Variants in ERC1 observed in about 807,000 individuals in gnomAD.
The protein encoded by ERC1 is RAB6 interacting protein 2.
A neutral mutation model predicts 132.0 loss-of-function variants in ERC1; 56 were observed. The ratio of observed to expected loss-of-function variants is 0.42; its 90% confidence interval spans 0.34 to 0.53. The LOEUF is 0.53. Ranked by LOEUF, ERC1 falls within the 20% of genes least tolerant of loss-of-function variation. The pLI is 0.03. For synonymous variants in ERC1, 478 were observed against 476.1 expected (o/e 1.00, Z -0.05); for missense variants, 1,202 against 1,349.9 (o/e 0.89, Z 1.72).
intron 14 of ERC1, among the ~76,000 whole-genome samples, chr12:1,284,138 T>C (rs2078879941): frequency 6.6e-6 from 1 of 152,184 alleles, no homozygotes; most frequent in Admixed American, 6.5e-5. Flanking sequence ...AGCTCCCACG[T>C]GTGAGTGAGA....
chr12:1,230,183 C>T (rs61911972), intron 12 of ERC1, among the ~76,000 whole-genome samples: 64,680 of 151,528 alleles, frequency 0.43, 15,462 homozygotes, highest in African/African-American at 0.65. Context: ...ATTCTTAATA[C>T]AGATGGGGTT....
intron 15 of ERC1, among the ~76,000 whole-genome samples, chr12:1,330,309 G>A (rs1343852502): frequency 6.6e-6 from 1 of 152,136 alleles, no homozygotes; most frequent in South Asian, 2.1e-4. Flanking sequence ...CTTGCTCTTA[G>A]CTAAGGCTGA....
intron 13 of ERC1, among the ~76,000 whole-genome samples, chr12:1,261,666 C>CTTTTGTTTTG (rs371551466): frequency 2.0e-5 from 3 of 151,732 alleles, no homozygotes; most frequent in African/African-American, 7.3e-5. Flanking sequence ...CGTTTGTTTT[C>CTTTTGTTTTG]TTTTGTTTTG....
intron 16 of ERC1, among the ~76,000 whole-genome samples, chr12:1,389,266 CG>C (rs2089722134): frequency 6.6e-6 from 1 of 152,100 alleles, no homozygotes; most frequent in African/African-American, 2.4e-5. Context: ...TCAAGAAAGC[CG>C]TTGGCTGGAG....
intron 2 of ERC1, among the ~76,000 whole-genome samples, chr12:1,036,267 T>C (rs1969057974): frequency 6.6e-6 from 1 of 152,034 alleles, no homozygotes; most frequent in Non-Finnish European, 1.5e-5. Context: ...TTTGTCATTT[T>C]TTTTTCTCAT....
intron 2 of ERC1, among the ~76,000 whole-genome samples, chr12:1,059,697 T>C (rs1440824671): frequency 6.6e-6 from 1 of 152,244 alleles, no homozygotes; most frequent in Non-Finnish European, 1.5e-5. Context: ...CACTTTGTCT[T>C]GGTGTATTGT....
chr12:1,396,928 C>G (rs771927389), intron 16 of ERC1, among the ~76,000 whole-genome samples: 1 of 152,132 alleles, frequency 6.6e-6, no homozygotes, highest in Non-Finnish European at 1.5e-5. Context: ...GACAAAGAAG[C>G]TTTTCTCTGC....
intron 15 of ERC1, among the ~76,000 whole-genome samples, chr12:1,293,758 AG>A (rs907254076): frequency 6.6e-6 from 1 of 152,196 alleles, no homozygotes; most frequent in Non-Finnish European, 1.5e-5. Flanking sequence ...GTAACAATTT[AG>A]GGGGGAAAAT....
intron 8 of ERC1, 50 bp from the exon 9 acceptor site, chr12:1,180,490 T>G: frequency 6.4e-7 from 1 of 1,567,838 alleles, no homozygotes; most frequent in South Asian, 1.1e-5. Context: ...TGTGCTATTG[T>G]TTTTTTATAC....
intron 16 of ERC1, among the ~76,000 whole-genome samples, chr12:1,397,855 A>C (rs1484001879): frequency 2.6e-5 from 4 of 152,080 alleles, no homozygotes; most frequent in Non-Finnish European, 5.9e-5. Flanking sequence ...ATTTAAAAAC[A>C]AACAGAAACA....
rs892868393 is a variant in ERC1, at chr12:1,328,041, T to C, written c.2780+38029T>C. On this transcript the variant is annotated intron_variant, in intron 15 of 18. Coordinates refer to ENST00000360905, the MANE Select transcript of ERC1 (RefSeq NM_178040.4). The stretch of plus-strand genomic sequence containing the variant: ...CAGGAATTATTCTATTTTATCACTT[T>C]GTTTTTGCAACAGCATCTTAGCTAA... Among the ~76,000 whole-genome samples the C allele has an allele frequency of 1.2e-4, 18 of 152,352 alleles. 1 individual carries two copies. The highest frequency in any genetic ancestry group is 7.2e-4 in the Admixed American group (11 of 15,304).
intron 13 of ERC1, among the ~76,000 whole-genome samples, chr12:1,255,203 T>C (rs1008495339): frequency 1.3e-5 from 2 of 152,118 alleles, no homozygotes; most frequent in Admixed American, 6.5e-5. Context: ...GTGTTTGGTT[T>C]TCTGTTCTTG....
intron 1 of ERC1, among the ~76,000 whole-genome samples, chr12:1,025,654 C>T (rs1485083665): frequency 6.6e-6 from 1 of 152,072 alleles, no homozygotes; most frequent in African/African-American, 2.4e-5. Context: ...TATGTGAAGA[C>T]GAGTATACGT....
At chr12:1,166,918 A>G (rs1398235216) in intron 8 of ERC1, among the ~76,000 whole-genome samples, 1 of 152,150 alleles carries the variant, frequency 6.6e-6, no homozygotes, top group Non-Finnish European at 1.5e-5. Context: ...ATATTGTAAT[A>G]TTTTTACATC....
chr12:1,137,100 C>CTTTT (rs944757047), intron 7 of ERC1, among the ~76,000 whole-genome samples: 6 of 122,914 alleles, frequency 4.9e-5, no homozygotes, highest in South Asian at 2.7e-4. Context: ...TTTTTCTTTT[C>CTTTT]TTTTTTTTTT....
At chr12:993,574 G>T (rs1960123045) in intron 1 of ERC1, among the ~76,000 whole-genome samples, 1 of 152,150 alleles carries the variant, frequency 6.6e-6, no homozygotes, top group African/African-American at 2.4e-5. Context: ...AAGTATGCCA[G>T]TCTGTTAATT....
At chr12:1,455,368 C>G (rs535795465) in intron 18 of ERC1, among the ~76,000 whole-genome samples, 2 of 152,304 alleles carry the variant, frequency 1.3e-5, no homozygotes, top group South Asian at 4.1e-4. Context: ...CAGCACGCCC[C>G]AACCCCCTTC....
In ERC1 at chr12:1,083,501, T is replaced by C. The variant is rs1426285066; in HGVS notation, c.1007T>C (p.Leu336Pro). The C allele has an allele frequency of 6.2e-7, 1 of 1,614,042 alleles. No homozygotes were observed. Among genetic ancestry groups the C allele is most frequent in the African/African-American group, 1.3e-5 (1 of 74,930 alleles). Reference protein sequence around the residue: ...TEEDHERTRRLAEAEMHVHHL... With the variant: ...TEEDHERTRRPAEAEMHVHHL... ...GAAGACCATGAGAGAACAAGACGAC[T>C]GGCAGAGGCAGAGATGCACGTTCAT... is the stretch of plus-strand genomic sequence containing the variant. Residue 336 changes from leucine (L) to proline (P), a missense_variant, in exon 3 of 19, where the codon CTG (leucine) becomes CCG (proline). Transcript: ENST00000360905.
intron 8 of ERC1, among the ~76,000 whole-genome samples, chr12:1,143,668 A>AT (rs1950071876): frequency 6.8e-6 from 1 of 147,790 alleles, no homozygotes. Flanking sequence ...TTTCTGTTGC[A>AT]TTTTTTATTG....
Sources: gnomAD v4.1 joint callset for allele counts (sites outside exome capture counted in the v4.1 genomes callset) on GRCh38, gnomAD v4.1.1 for gene constraint, MANE v1.5 for transcripts, NCBI Gene and HGNC (gene_info 2026-07-23, HGNC 2026-07-21) for gene names.